The following ATP10A variants were observed in gnomAD, a reference collection of about 807,000 sequenced individuals.
ATP10A encodes the protein ATPase phospholipid transporting 10A (putative).
ATP10A carries 111 observed loss-of-function variants against 147.8 expected under a neutral mutation model. That is an observed-to-expected ratio of 0.75 (90% CI 0.64 to 0.88). The LOEUF is 0.88. Ranked by LOEUF, ATP10A falls within the 40% of genes least tolerant of loss-of-function variation. The probability of loss-of-function intolerance (pLI) is 0.00; values close to 1 mark genes in which losing one functional copy is unlikely to be tolerated. For missense variants in ATP10A, 1,927 were observed against 1,959.0 expected, an observed-to-expected ratio of 0.98 and a Z score of 0.31; for synonymous variants, 875 against 841.6, an observed-to-expected ratio of 1.04 and a Z score of -0.69.
chr15:25,806,555 G>A lies in ATP10A; in HGVS notation c.450-25332C>T, dbSNP rs757718845. On this transcript the variant is annotated intron_variant, in intron 1 of 20. Transcript: ENST00000555815. ...TCTCGATCTCCTGACCTCGTGATCCGCCCGCCTCAGCCTCCCAAAGTGCTG... is the reference window on the plus strand; with the variant it reads ...TCTCGATCTCCTGACCTCGTGATCCACCCGCCTCAGCCTCCCAAAGTGCTG... Among the ~76,000 whole-genome samples, 36 of 152,038 alleles carry A rather than the reference G, an allele frequency of 2.4e-4. No individual in the cohort carries two copies. In the East Asian group the frequency reaches 4.3e-3, roughly 18 times the overall value.
intron 2 of ATP10A, among the ~76,000 whole-genome samples, chr15:25,738,930 A>C (rs772356308): frequency 6.6e-6 from 1 of 152,214 alleles, no homozygotes; most frequent in Non-Finnish European, 1.5e-5. Flanking sequence ...GACAGACTGG[A>C]GCTTTCTTGG....
intron 2 of ATP10A, among the ~76,000 whole-genome samples, chr15:25,777,782 CTT>C (rs11424373): frequency 1.4e-5 from 2 of 140,270 alleles, no homozygotes; most frequent in African/African-American, 2.6e-5. Context: ...TTCTTTCTTT[CTT>C]TTTTTTTTTT....
intron 4 of ATP10A, 74 bp from the exon 5 acceptor site, chr15:25,726,156 G>A (rs931967851): frequency 9.8e-6 from 15 of 1,535,242 alleles, no homozygotes; most frequent in Non-Finnish European, 1.3e-5. Context: ...ATGGCGTGGA[G>A]GGAATTCCAT....
rs145860266 is a variant in ATP10A, at chr15:25,713,952, C to T, written c.2066G>A (p.Arg689His). 7.5e-5 allele frequency: 120 copies of T among 1,610,656 alleles called. No homozygotes were observed. In the African/African-American group the frequency reaches 1.2e-3, roughly 16 times the overall value. ...GCTCTCCGCCTCGTACCGCAGCTCG[C>T]GCTCTGACTCCTGCTCCTGAGCAAG... ...SELAQEQESERELRYEAESPD... is the reference protein window; with the variant it reads ...SELAQEQESEHELRYEAESPD... Residue 689 changes from arginine (R) to histidine (H), a missense_variant, in exon 10 of 21, where the codon CGC becomes CAC. Transcript: ENST00000555815.
intron 1 of ATP10A, among the ~76,000 whole-genome samples, chr15:25,850,052 AT>A (rs1483359303): frequency 6.6e-6 from 1 of 152,220 alleles, no homozygotes; most frequent in East Asian, 1.9e-4. Flanking sequence ...ATAACTAAAT[AT>A]AATTAAATCA....
At chr15:25,820,997 T>A (rs1393782218) in intron 1 of ATP10A, among the ~76,000 whole-genome samples, 1 of 152,196 alleles carries the variant, frequency 6.6e-6, no homozygotes, top group African/African-American at 2.4e-5. Flanking sequence ...GAAAAATACT[T>A]GACAGATAAA....
At chr15:25,817,553 G>C (rs1409653634) in intron 1 of ATP10A, among the ~76,000 whole-genome samples, 1 of 152,106 alleles carries the variant, frequency 6.6e-6, no homozygotes, top group African/African-American at 2.4e-5. Flanking sequence ...CCTATGAAAG[G>C]GTCTAAATAA....
At chr15:25,860,364 C>T (rs1893707444) in intron 1 of ATP10A, among the ~76,000 whole-genome samples, 1 of 152,224 alleles carries the variant, frequency 6.6e-6, no homozygotes, top group African/African-American at 2.4e-5. Flanking sequence ...CTGGGAGCCC[C>T]ACCCAGGACT....
At position 25,848,383 on chromosome 15, in the gene ATP10A, G is replaced by A. The variant is rs113949350; in HGVS notation, c.449+14265C>T. 2.1e-3 allele frequency among the ~76,000 whole-genome samples: 324 copies of A among 152,184 alleles called. 1 individual carries two copies. Among genetic ancestry groups the A allele is most frequent in the African/African-American group, 7.3e-3 (303 of 41,516 alleles). On this transcript the variant is annotated intron_variant, in intron 1 of 20. Transcript: ENST00000555815. ...AGCCCAGTGCAACCCCAGTCTCCTG[G>A]TCTCAAGTGATCCTCCTGCCTCAGC...
chr15:25,753,901 C>T (rs936379377), intron 2 of ATP10A, among the ~76,000 whole-genome samples: 3 of 151,994 alleles, frequency 2.0e-5, no homozygotes, highest in Non-Finnish European at 4.4e-5. Context: ...CCTAGCCTCC[C>T]AAATAGCTAT....
downstream of ATP10A, among the ~76,000 whole-genome samples, chr15:25,674,252 G>C (rs1425569924): frequency 2.0e-5 from 3 of 152,200 alleles, no homozygotes; most frequent in Non-Finnish European, 4.4e-5. Context: ...CAGGGCTCTG[G>C]AAGTGTTTTC....
chr15:25,733,780 C>A (rs370050732), intron 3 of ATP10A, among the ~76,000 whole-genome samples: 6 of 152,336 alleles, frequency 3.9e-5, no homozygotes, highest in African/African-American at 1.4e-4. Context: ...GTGGAGTACA[C>A]GAGGAGACAA....
chr15:25,854,796 G>A (rs550791607), intron 1 of ATP10A, among the ~76,000 whole-genome samples: 14 of 152,244 alleles, frequency 9.2e-5, no homozygotes, highest in African/African-American at 2.2e-4. Context: ...AGTGGCTCAC[G>A]CTTGTAATCC....
At chr15:25,788,502 T>C (rs150085881) in intron 1 of ATP10A, among the ~76,000 whole-genome samples, 26 of 152,386 alleles carry the variant, frequency 1.7e-4, no homozygotes, top group African/African-American at 5.3e-4. Flanking sequence ...CAACAGTGAC[T>C]GTTCAATTAA....
rs554976349 is a variant in ATP10A, at chr15:25,839,273, G to A, written c.449+23375C>T. Among the ~76,000 whole-genome samples the A allele has an allele frequency of 2.2e-4, 33 of 152,258 alleles. No individual in the cohort carries two copies. The East Asian group carries it at 5.4e-3, about 25-fold the overall frequency. ...TTATCCAAATTGCTCATAACTACAA[G>A]AACAAGTACATTAAAATAAAGTACT... is the stretch of plus-strand genomic sequence containing the variant. On this transcript the variant is annotated intron_variant, in intron 1 of 20. Coordinates refer to ENST00000555815, the MANE Select transcript of ATP10A (RefSeq NM_024490.4).
chr15:25,728,870 G>A (rs570484671), intron 3 of ATP10A, among the ~76,000 whole-genome samples: 5 of 152,270 alleles, frequency 3.3e-5, no homozygotes, highest in African/African-American at 1.2e-4. Context: ...GCGAGGGGTT[G>A]GGAACGTACT....
chr15:25,748,872 T>C (rs1007360817), intron 2 of ATP10A, among the ~76,000 whole-genome samples: 1 of 150,874 alleles, frequency 6.6e-6, no homozygotes, highest in African/African-American at 2.4e-5. Flanking sequence ...CTGGCCAACA[T>C]GGTGACACCC....
intron 13 of ATP10A, among the ~76,000 whole-genome samples, chr15:25,695,615 C>A (rs995103761): frequency 2.0e-5 from 3 of 151,914 alleles, no homozygotes; most frequent in South Asian, 2.1e-4. Flanking sequence ...GGCGACAGAG[C>A]GAGACTCTGT....
intron 17 of ATP10A, among the ~76,000 whole-genome samples, chr15:25,681,391 A>C (rs1432593296): frequency 6.6e-6 from 1 of 152,182 alleles, no homozygotes; most frequent in Non-Finnish European, 1.5e-5. Flanking sequence ...AACGATCATG[A>C]AATTTTTTCC....
Sources: gnomAD v4.1 joint callset for allele counts (sites outside exome capture counted in the v4.1 genomes callset) on GRCh38, gnomAD v4.1.1 for gene constraint, MANE v1.5 for transcripts, NCBI Gene and HGNC (gene_info 2026-07-23, HGNC 2026-07-21) for gene names.